ITGA2: variants seen among roughly 807,000 people sequenced by gnomAD.
The protein encoded by ITGA2 is integrin alpha-2.
A neutral mutation model predicts 146.3 loss-of-function variants in ITGA2; 101 were observed. That is an observed-to-expected ratio of 0.69 (90% CI 0.59 to 0.81). The LOEUF is 0.81. Ranked by LOEUF, ITGA2 falls within the 40% of genes least tolerant of loss-of-function variation. The pLI, the probability that ITGA2 is intolerant of heterozygous loss-of-function variation, is 0.00. For synonymous variants in ITGA2, 477 were observed against 487.1 expected (o/e 0.98, Z 0.27); for missense variants, 1,281 against 1,402.7 (o/e 0.91, Z 1.39).
chr5:53,041,009 C>T (rs745955615), intron 2 of ITGA2, among the ~76,000 whole-genome samples: 3 of 151,844 alleles, frequency 2.0e-5, no homozygotes, highest in Non-Finnish European at 2.9e-5. Flanking sequence ...TTGTATCTAC[C>T]GTACCTCAAC....
rs536748456 is a variant in ITGA2, at chr5:53,057,463, A to C, written c.1097-562A>C. Among the ~76,000 whole-genome samples the C allele has an allele frequency of 4.6e-5, 7 of 152,068 alleles. No homozygotes were observed. The East Asian group carries it at 1.2e-3, about 25-fold the overall frequency. Reference sequence around the variant, plus strand: ...GTTAGTGACACAGGCAAGCACATATACAGAACCAGAACAAACTTCCCAATT... The same window carrying C: ...GTTAGTGACACAGGCAAGCACATATCCAGAACCAGAACAAACTTCCCAATT... On this transcript the variant is annotated intron_variant, in intron 9 of 29. Coordinates refer to ENST00000296585, the MANE Select transcript of ITGA2 (RefSeq NM_002203.4).
At chr5:53,040,086 C>A (rs944105913) in intron 2 of ITGA2, among the ~76,000 whole-genome samples, 9 of 151,828 alleles carry the variant, frequency 5.9e-5, no homozygotes, top group African/African-American at 2.2e-4. Flanking sequence ...GAAGTGGTGT[C>A]AAACAGGAGA....
At chr5:53,030,816 TTTTCTTTCAGTG>T (rs1233949509) in intron 2 of ITGA2, among the ~76,000 whole-genome samples, 2 of 152,224 alleles carry the variant, frequency 1.3e-5, no homozygotes, top group Non-Finnish European at 2.9e-5. Context: ...ATGGTGTTTG[TTTTCTTTCAGTG>T]TCACTAGCTA....
chr5:53,001,805 GC>G, intron 1 of ITGA2, among the ~76,000 whole-genome samples: 1 of 132,026 alleles, frequency 7.6e-6, no homozygotes, highest in East Asian at 2.1e-4. Context: ...ACAGAACAAG[GC>G]CCTTTCTAAA....
chr5:53,070,630 A>T (rs971775250), intron 17 of ITGA2, among the ~76,000 whole-genome samples: 1 of 151,932 alleles, frequency 6.6e-6, no homozygotes, highest in Non-Finnish European at 1.5e-5. Context: ...AGCTACTGAA[A>T]AATAACTCCA....
At chr5:53,055,509 A>G (rs1744585158) in intron 7 of ITGA2, 29 bp from the exon 8 acceptor site, 2 of 1,608,432 alleles carry the variant, frequency 1.2e-6, no homozygotes, top group East Asian at 4.5e-5. Context: ...TTTTGATAGC[A>G]AGTCTTTATT....
At chr5:53,025,328 A>G (rs1157916535) in intron 1 of ITGA2, among the ~76,000 whole-genome samples, 1 of 152,230 alleles carries the variant, frequency 6.6e-6, no homozygotes, top group Non-Finnish European at 1.5e-5. Context: ...AATGGAGCAT[A>G]TGAAAAATAG....
At chr5:53,062,556 C>CA (rs1744947787) in intron 12 of ITGA2, among the ~76,000 whole-genome samples, 2 of 151,788 alleles carry the variant, frequency 1.3e-5, no homozygotes, top group African/African-American at 4.8e-5. Context: ...ATCTGTATTT[C>CA]AAAGGCATTT....
intron 17 of ITGA2, among the ~76,000 whole-genome samples, chr5:53,071,187 T>A (rs962178935): frequency 4.6e-5 from 7 of 151,902 alleles, no homozygotes; most frequent in African/African-American, 1.7e-4. Context: ...ATTTTTCAAT[T>A]TGAAGGTTTC....
rs1250246131 is a variant in ITGA2 at position 53,094,154 on chromosome 5, T to G, written c.*3555T>G. Reference sequence around the variant, plus strand: ...GAAGGCAGGATTCCTTAAACTGAGATCCCTGATCCATCTTTAATATTTCAA... The same window carrying G: ...GAAGGCAGGATTCCTTAAACTGAGAGCCCTGATCCATCTTTAATATTTCAA... On this transcript the variant is annotated 3_prime_UTR_variant, in exon 30 of 30. Transcript: ENST00000296585. 2 of 134,282 alleles carry G rather than the reference T, an allele frequency of 1.5e-5. No homozygotes were observed. Among genetic ancestry groups the G allele is most frequent in the African/African-American group, 5.5e-5 (2 of 36,484 alleles). 8.3% of individuals were successfully genotyped at this position (134,282 alleles called of 1,614,324 possible).
chr5:53,033,136 G>A (rs3776788), intron 2 of ITGA2, among the ~76,000 whole-genome samples: 37,494 of 151,864 alleles, frequency 0.25, 5,498 homozygotes, highest in South Asian at 0.33. Context: ...GGGCGTGGTG[G>A]CAGGCACCTG....
intron 2 of ITGA2, among the ~76,000 whole-genome samples, chr5:53,028,238 C>A (rs1365374441): frequency 6.6e-6 from 1 of 152,164 alleles, no homozygotes. Context: ...ATGAAATCAT[C>A]CCCTGAGAGG....
chr5:53,052,641 C>A (rs1228772977), intron 7 of ITGA2, among the ~76,000 whole-genome samples: 1 of 151,928 alleles, frequency 6.6e-6, no homozygotes, highest in African/African-American at 2.4e-5. Flanking sequence ...ATCCCCCAAC[C>A]CTGTGGTCCC....
chr5:53,040,237 G>T (rs3797496), intron 2 of ITGA2, among the ~76,000 whole-genome samples: 41,719 of 151,964 alleles, frequency 0.27, 5,799 homozygotes, highest in Admixed American at 0.32. Flanking sequence ...AAAAGCCAGG[G>T]TTAGAGAAGA....
intron 2 of ITGA2, among the ~76,000 whole-genome samples, chr5:53,036,517 C>T (rs1456588313): frequency 6.6e-6 from 1 of 152,172 alleles, no homozygotes; most frequent in Non-Finnish European, 1.5e-5. Flanking sequence ...TATTCTGCCA[C>T]TAGAGTCTTA....
At chr5:52,997,256 C>A (rs1157486227) in intron 1 of ITGA2, among the ~76,000 whole-genome samples, 1 of 152,118 alleles carries the variant, frequency 6.6e-6, no homozygotes, top group Non-Finnish European at 1.5e-5. Flanking sequence ...GTAACAGAAA[C>A]TTTGCAATTC....
chr5:53,090,455 G>T, intron 29 of ITGA2, 64 bp from the exon 30 acceptor site: 1 of 1,396,644 alleles, frequency 7.2e-7, no homozygotes, highest in Non-Finnish European at 1.0e-6. Context: ...GCAGCCAAGG[G>T]GGTCAGAGGC....
At chr5:53,062,122 C>T (rs1744928832) in intron 12 of ITGA2, among the ~76,000 whole-genome samples, 1 of 151,798 alleles carries the variant, frequency 6.6e-6, no homozygotes, top group Non-Finnish European at 1.5e-5. Flanking sequence ...CCACCTTGTC[C>T]TCCTGTCCCA....
intron 1 of ITGA2, among the ~76,000 whole-genome samples, chr5:53,025,287 A>AT (rs906348648): frequency 1.6e-4 from 24 of 152,148 alleles, no homozygotes; most frequent in Admixed American, 1.3e-3. Flanking sequence ...TTTCTTTTGC[A>AT]TTTTTTTATT....
Sources: allele counts gnomAD v4.1 joint callset (sites outside exome capture counted in the v4.1 genomes callset), GRCh38; gene constraint gnomAD v4.1.1; transcripts MANE v1.5; gene names NCBI Gene and HGNC (gene_info 2026-07-23, HGNC 2026-07-21).